Variants in TMPRSS15 observed in about 807,000 individuals in gnomAD.
TMPRSS15 encodes the protein enteropeptidase.
A neutral mutation model predicts 125.3 loss-of-function variants in TMPRSS15; 128 were observed. The observed-to-expected ratio is 1.02, with a 90% CI of 0.89 to 1.18. The LOEUF is 1.18. Among genes scored for constraint, TMPRSS15 ranks in the 50% most tolerant of loss-of-function variants. The pLI, the probability that TMPRSS15 is intolerant of heterozygous loss-of-function variation, is 0.00. For missense variants in TMPRSS15, 1,283 were observed against 1,212.7 expected, an observed-to-expected ratio of 1.06 and a Z score of -0.86; for synonymous variants, 446 against 423.2, an observed-to-expected ratio of 1.05 and a Z score of -0.66.
At chr21:18,333,132 A>C (rs2075360809) in intron 13 of TMPRSS15, among the ~76,000 whole-genome samples, 2 of 152,210 alleles carry the variant, frequency 1.3e-5, no homozygotes, top group Admixed American at 1.3e-4. Context: ...ATCAGGAAAA[A>C]TCACTTGTGA....
At chr21:18,479,357 A>G (rs964724396) in intron 1 of TMPRSS15, among the ~76,000 whole-genome samples, 3 of 152,112 alleles carry the variant, frequency 2.0e-5, no homozygotes, top group Non-Finnish European at 4.4e-5. Context: ...AAATGATAGT[A>G]TTAATAATCA....
intron 7 of TMPRSS15, among the ~76,000 whole-genome samples, chr21:18,362,326 G>A (rs1229212142): frequency 6.6e-6 from 1 of 152,122 alleles, no homozygotes; most frequent in African/African-American, 2.4e-5. Context: ...TAAAGTTCTG[G>A]TGTGCCTGGG....
chr21:18,348,865 C>T (rs2075535803), intron 10 of TMPRSS15, among the ~76,000 whole-genome samples: 1 of 152,148 alleles, frequency 6.6e-6, no homozygotes, highest in Admixed American at 6.5e-5. Context: ...ATAGCACTTC[C>T]TATGTGTCAG....
intron 3 of TMPRSS15, among the ~76,000 whole-genome samples, chr21:18,384,559 T>G (rs996122088): frequency 2.0e-5 from 3 of 152,116 alleles, no homozygotes; most frequent in African/African-American, 7.2e-5. Context: ...AATGAATAAA[T>G]TTTTGGTGAA....
At chr21:18,393,752 A>G (rs1034751049) in intron 3 of TMPRSS15, among the ~76,000 whole-genome samples, 4 of 152,212 alleles carry the variant, frequency 2.6e-5, no homozygotes, top group Non-Finnish European at 5.9e-5. Context: ...TGCCTAATTT[A>G]TTATTAATGT....
chr21:18,405,316 T>G (rs2123155450), upstream of TMPRSS15, among the ~76,000 whole-genome samples: 1 of 152,262 alleles, frequency 6.6e-6, no homozygotes, highest in South Asian at 2.1e-4. Context: ...TCAAATAATG[T>G]TTTAAATAAT....
intron 10 of TMPRSS15, among the ~76,000 whole-genome samples, chr21:18,347,398 G>A (rs567838082): frequency 4.6e-5 from 7 of 152,034 alleles, no homozygotes; most frequent in African/African-American, 1.7e-4. Context: ...CACCATGGCT[G>A]GCTAATTTTT....
chr21:18,285,410 C>A (rs1674167099), intron 21 of TMPRSS15, among the ~76,000 whole-genome samples: 2 of 152,104 alleles, frequency 1.3e-5, no homozygotes, highest in South Asian at 4.1e-4. Context: ...AATGGGAATC[C>A]AAAACTGTAA....
chr21:18,288,125 A>G (rs905398997), intron 21 of TMPRSS15, among the ~76,000 whole-genome samples: 3 of 152,232 alleles, frequency 2.0e-5, no homozygotes, highest in African/African-American at 7.2e-5. Context: ...AATGTGGTAT[A>G]TATATGCAAT....
intron 18 of TMPRSS15, among the ~76,000 whole-genome samples, chr21:18,310,435 T>C (rs2075088226): frequency 6.6e-6 from 1 of 151,088 alleles, no homozygotes; most frequent in South Asian, 2.1e-4. Context: ...GAAAAAGAAA[T>C]CAAGAAAGTA....
chr21:18,402,246 C>T (rs2076101493), intron 1 of TMPRSS15, among the ~76,000 whole-genome samples: 1 of 152,000 alleles, frequency 6.6e-6, no homozygotes, highest in Non-Finnish European at 1.5e-5. Flanking sequence ...AAATCACTCA[C>T]AATGGAAAGA....
intron 16 of TMPRSS15, among the ~76,000 whole-genome samples, chr21:18,317,677 C>G (rs1269757342): frequency 6.6e-6 from 1 of 152,016 alleles, no homozygotes; most frequent in Non-Finnish European, 1.5e-5. Context: ...AGTAATAACT[C>G]TAGGATACAC....
chr21:18,324,476 T>C (rs998775383), intron 16 of TMPRSS15, among the ~76,000 whole-genome samples: 51 of 151,958 alleles, frequency 3.4e-4, no homozygotes, highest in African/African-American at 1.2e-3. Flanking sequence ...TATGGCAGAG[T>C]TTCACAGAAA....
At chr21:18,480,631 T>C (rs1043940100) in intron 1 of TMPRSS15, among the ~76,000 whole-genome samples, 1 of 151,834 alleles carries the variant, frequency 6.6e-6, no homozygotes, top group African/African-American at 2.4e-5. Context: ...CTTACCTATA[T>C]GCTCTCACCT....
At chr21:18,405,238 G>T (rs547325084), upstream of TMPRSS15, among the ~76,000 whole-genome samples, 1 of 152,250 alleles carries the variant, frequency 6.6e-6, no homozygotes, top group Admixed American at 6.5e-5. Flanking sequence ...TAAAATATTA[G>T]ATTGAAAGCC....
chr21:18,401,047 C>T (rs752724310), intron 1 of TMPRSS15, among the ~76,000 whole-genome samples: 2 of 152,018 alleles, frequency 1.3e-5, no homozygotes, highest in South Asian at 2.1e-4. Context: ...TCATGCTGGT[C>T]GGAATGGCTA....
intron 1 of TMPRSS15, among the ~76,000 whole-genome samples, chr21:18,475,156 T>C (rs555252137): frequency 6.6e-6 from 1 of 152,052 alleles, no homozygotes; most frequent in Admixed American, 6.5e-5. Flanking sequence ...CAATAGAGAT[T>C]CGATTTTTTA....
In TMPRSS15 at chr21:18,269,562, C is replaced by T. The variant is rs1351524734; in HGVS notation, c.*407G>A. The T allele has an allele frequency of 6.3e-6, 1 of 159,494 alleles. No homozygotes were observed. The highest frequency in any genetic ancestry group is 1.9e-4 in the East Asian group (1 of 5,386). The allele number at this position is 159,494 out of a possible 1,614,324, so 9.9% of individuals were successfully genotyped here. A position where few individuals can be genotyped will look rare whatever the true frequency, so the allele number is the denominator to read the frequency against. On this transcript the variant is annotated 3_prime_UTR_variant, in exon 25 of 25. Coordinates refer to ENST00000284885, the MANE Select transcript of TMPRSS15 (RefSeq NM_002772.3). ...CTAGAAAATTTATGGCAGTTTATTT[C>T]CAACAGTGACATACTTTGGGAAAAA... is the stretch of plus-strand genomic sequence containing the variant.
At chr21:18,466,171 C>G (rs1352501673) in intron 1 of TMPRSS15, among the ~76,000 whole-genome samples, 1 of 152,148 alleles carries the variant, frequency 6.6e-6, no homozygotes, top group African/African-American at 2.4e-5. Flanking sequence ...AAAGGATTCC[C>G]TATTTAATAA....
Sources: gnomAD v4.1 joint callset for allele counts (sites outside exome capture counted in the v4.1 genomes callset) on GRCh38, gnomAD v4.1.1 for gene constraint, MANE v1.5 for transcripts, NCBI Gene and HGNC (gene_info 2026-07-23, HGNC 2026-07-21) for gene names.